The following PLEKHM3 variants were observed in gnomAD, a reference collection of about 807,000 sequenced individuals.
PLEKHM3 encodes pleckstrin homology domain containing M3.
Under a neutral mutation model 81.8 loss-of-function variants are expected in PLEKHM3, and 45 were observed. The observed-to-expected ratio is 0.55, with a 90% confidence interval of 0.43 to 0.71. The LOEUF is 0.71. Among genes scored for constraint, PLEKHM3 ranks in the 30% least tolerant of loss-of-function variants. The probability of loss-of-function intolerance (pLI) is 0.00; values close to 1 mark genes in which losing one functional copy is unlikely to be tolerated. For missense variants in PLEKHM3, 788 were observed against 924.3 expected (o/e 0.85, Z 1.91); for synonymous variants, 352 against 356.4 (o/e 0.99, Z 0.14).
chr2:207,845,332 TC>T (rs1271638383), intron 7 of PLEKHM3, among the ~76,000 whole-genome samples: 2 of 152,222 alleles, frequency 1.3e-5, no homozygotes, highest in Admixed American at 6.5e-5. Flanking sequence ...ATAAAACAGT[TC>T]ATTTCAGAAC....
intron 7 of PLEKHM3, 111 bp from the exon 8 acceptor site, chr2:207,828,607 A>C (rs1575258420): frequency 7.2e-5 from 73 of 1,019,044 alleles, no homozygotes; most frequent in African/African-American, 3.3e-5. Context: ...GTTCTGGACA[A>C]CCCTGCCAAT....
At chr2:207,879,578 C>T (rs2092576298) in intron 6 of PLEKHM3, among the ~76,000 whole-genome samples, 1 of 152,160 alleles carries the variant, frequency 6.6e-6, no homozygotes, top group African/African-American at 2.4e-5. Context: ...AGTCTTTGAC[C>T]AGACCGGGTT....
intron 3 of PLEKHM3, among the ~76,000 whole-genome samples, chr2:207,949,103 A>T (rs1324317153): frequency 1.3e-5 from 2 of 152,228 alleles, no homozygotes; most frequent in Non-Finnish European, 2.9e-5. Context: ...CATAAACTGT[A>T]TATATATACA....
At chr2:208,017,234 C>A (rs1047755077) in intron 1 of PLEKHM3, among the ~76,000 whole-genome samples, 1 of 152,182 alleles carries the variant, frequency 6.6e-6, no homozygotes. Context: ...AACTGTCTCA[C>A]CTTTTTTGGA....
At chr2:207,844,082 C>T (rs1053113897) in intron 7 of PLEKHM3, among the ~76,000 whole-genome samples, 5 of 148,958 alleles carry the variant, frequency 3.4e-5, no homozygotes, top group Admixed American at 2.7e-4. Flanking sequence ...AACCCTGTCT[C>T]GAAAAAAAAA....
chr2:207,830,104 G>A (rs2092276971), intron 7 of PLEKHM3, among the ~76,000 whole-genome samples: 1 of 152,104 alleles, frequency 6.6e-6, no homozygotes, highest in South Asian at 2.1e-4. Context: ...GGCACAGGAA[G>A]ACAAGACTTC....
intron 7 of PLEKHM3, among the ~76,000 whole-genome samples, chr2:207,842,806 T>C (rs949966465): frequency 1.3e-5 from 2 of 152,144 alleles, no homozygotes; most frequent in African/African-American, 4.8e-5. Context: ...ACACCACACA[T>C]ACTCATAAGA....
chr2:207,893,876 G>A (rs1276459545), intron 6 of PLEKHM3, among the ~76,000 whole-genome samples: 1 of 152,172 alleles, frequency 6.6e-6, no homozygotes, highest in Non-Finnish European at 1.5e-5. Context: ...AGCACTTTGG[G>A]AGGCCGAGGT....
Position 207,827,952 on chromosome 2 carries a change from T to C in PLEKHM3, c.*367A>G, listed in dbSNP as rs1443245325. 1 of 155,618 alleles carries C rather than the reference T, an allele frequency of 6.4e-6. No individual in the cohort carries two copies. Among genetic ancestry groups the C allele is most frequent in the Non-Finnish European group, 1.4e-5 (1 of 70,550 alleles). 9.6% of individuals were successfully genotyped at this position (155,618 alleles called of 1,614,324 possible). ...ACTGTTTTGTGCAGGAAATGCTTCC[T>C]TTTGTGTCTTGGGTAATAAAATGTA... On this transcript the variant is annotated 3_prime_UTR_variant, in exon 8 of 8. Coordinates refer to ENST00000427836, the MANE Select transcript of PLEKHM3 (RefSeq NM_001080475.3).
At chr2:207,999,994 A>G (rs1288362401) in intron 2 of PLEKHM3, among the ~76,000 whole-genome samples, 2 of 152,238 alleles carry the variant, frequency 1.3e-5, no homozygotes, top group African/African-American at 2.4e-5. Context: ...ATTGAGAGTC[A>G]TTAGCAATAA....
chr2:207,875,907 T>C (rs1383951045), intron 6 of PLEKHM3, among the ~76,000 whole-genome samples: 2 of 152,228 alleles, frequency 1.3e-5, no homozygotes, highest in Non-Finnish European at 2.9e-5. Flanking sequence ...AGGTATAAGA[T>C]AACTCTGTTA....
chr2:207,957,711 A>G (rs555407720), intron 3 of PLEKHM3, among the ~76,000 whole-genome samples: 2 of 152,144 alleles, frequency 1.3e-5, no homozygotes, highest in South Asian at 4.2e-4. Flanking sequence ...AAACAAAACA[A>G]AAAAAAAGTA....
intron 2 of PLEKHM3, among the ~76,000 whole-genome samples, chr2:207,987,515 G>A (rs576331713): frequency 6.6e-6 from 1 of 152,314 alleles, no homozygotes; most frequent in Non-Finnish European, 1.5e-5. Context: ...TCTGCACTGA[G>A]AAAGATGCTG....
chr2:207,827,766 G>T lies in PLEKHM3; in HGVS notation c.*553C>A, dbSNP rs1559196952. 6.6e-6 allele frequency: 1 copy of T among 152,236 alleles called. No individual in the cohort carries two copies. The highest frequency in any genetic ancestry group is 2.4e-5 in the African/African-American group (1 of 41,456). The allele number at this position is 152,236 out of a possible 1,614,324, so 9.4% of individuals were successfully genotyped here. ...ACGTGATTCCCCGCCTCCACAGGAGGAACTGAGGCGGGAGCGCCACGGACA... is the reference window on the plus strand; with the variant it reads ...ACGTGATTCCCCGCCTCCACAGGAGTAACTGAGGCGGGAGCGCCACGGACA... On this transcript the variant is annotated 3_prime_UTR_variant, in exon 8 of 8. Transcript: ENST00000427836.
chr2:207,986,361 T>A (rs1291462109), intron 2 of PLEKHM3, among the ~76,000 whole-genome samples: 2 of 152,214 alleles, frequency 1.3e-5, no homozygotes, highest in African/African-American at 4.8e-5. Flanking sequence ...TCTGTCAAAG[T>A]TTAGCAGATC....
Position 207,898,483 on chromosome 2 carries a change from C to T in PLEKHM3, c.1950+10031G>A, listed in dbSNP as rs905192192. Among the ~76,000 whole-genome samples the T allele has an allele frequency of 2.0e-5, 3 of 152,288 alleles. No individual in the cohort carries two copies. The East Asian group carries it at 5.8e-4, about 29-fold the overall frequency. ...TAAAACGTGAAATGGACCAGGCGTG[C>T]TGGCTCACGCCTGTAATCCCAGCAC... On this transcript the variant is annotated intron_variant, in intron 6 of 7. Transcript: ENST00000427836.
intron 4 of PLEKHM3, among the ~76,000 whole-genome samples, chr2:207,934,950 C>T (rs998493506): frequency 2.6e-5 from 4 of 152,038 alleles, no homozygotes; most frequent in Non-Finnish European, 5.9e-5. Flanking sequence ...CTGGTGATAA[C>T]GTAATGGGGC....
chr2:207,902,255 T>C (rs552337531), intron 6 of PLEKHM3, among the ~76,000 whole-genome samples: 94 of 152,368 alleles, frequency 6.2e-4, no homozygotes, highest in African/African-American at 2.2e-3. Context: ...CTTTGTCTGC[T>C]GACTCTGTGA....
chr2:207,942,428 C>T (rs1248799252), intron 4 of PLEKHM3, among the ~76,000 whole-genome samples: 1 of 152,150 alleles, frequency 6.6e-6, no homozygotes, highest in Non-Finnish European at 1.5e-5. Context: ...GGGAGGACTG[C>T]TTGAGCCCAG....
Sources: gnomAD v4.1 joint callset for allele counts (sites outside exome capture counted in the v4.1 genomes callset) on GRCh38, gnomAD v4.1.1 for gene constraint, MANE v1.5 for transcripts, NCBI Gene and HGNC (gene_info 2026-07-23, HGNC 2026-07-21) for gene names.